Variants in ARPC2 observed in about 807,000 individuals in gnomAD.
ARPC2 encodes actin related protein 2/3 complex subunit 2.
Under a neutral mutation model 38.6 loss-of-function variants are expected in ARPC2, and 4 were observed. That is an observed-to-expected ratio of 0.10 (90% confidence interval 0.05 to 0.24). The LOEUF (loss-of-function observed/expected upper bound fraction) is 0.24, where lower values mean the gene tolerates loss of function less well. ARPC2 is among the 10% of genes least tolerant of loss of function. The pLI, the probability that ARPC2 is intolerant of heterozygous loss-of-function variation, is 1.00. For missense variants in ARPC2, 229 were observed against 387.3 expected, an observed-to-expected ratio of 0.59 and a Z score of 3.43; for synonymous variants, 125 against 140.8, an observed-to-expected ratio of 0.89 and a Z score of 0.79.
chr2:218,234,798 C>G (rs1156691097), intron 5 of ARPC2: 1 of 461,366 alleles, frequency 2.2e-6, no homozygotes, highest in African/African-American at 2.0e-5. Context: ...ATATTCACCA[C>G]ACTATTCTTG....
intron 7 of ARPC2, 86 bp from the exon 8 acceptor site, chr2:218,245,334 C>T: frequency 2.6e-6 from 4 of 1,562,872 alleles, no homozygotes; most frequent in Non-Finnish European, 3.5e-6. Context: ...ACAAAGGTCA[C>T]ACCACATAGA....
intron 2 of ARPC2, among the ~76,000 whole-genome samples, 179 bp from the exon 3 acceptor site, chr2:218,225,738 CTTA>C (rs1486454641): frequency 6.6e-6 from 1 of 152,180 alleles, no homozygotes; most frequent in Non-Finnish European, 1.5e-5. Context: ...TTATCCTCTA[CTTA>C]AAGCAAGTCC....
intron 7 of ARPC2, 100 bp downstream of exon 7, chr2:218,239,584 G>C: frequency 1.1e-6 from 1 of 930,736 alleles, no homozygotes; most frequent in South Asian, 1.6e-5. Context: ...CAACTCTACT[G>C]ATGTTAGAAT....
Position 218,217,494 on chromosome 2 carries a change from C to T in ARPC2, c.24C>T (p.Asn8=), listed in dbSNP as rs1226120389. ...CCATGATCCTGCTGGAGGTGAACAA[C>T]CGCATCATCGAGGAGACGCTCGCGC... MILLEVN[N]RIIEETLALK... Residue 8 remains asparagine, a synonymous_variant, in exon 2 of 11, where the codon AAC becomes AAT. Coordinates refer to ENST00000315717, the MANE Select transcript of ARPC2 (RefSeq NM_152862.3). 1.9e-6 allele frequency: 3 copies of T among 1,613,818 alleles called. No individual in the cohort carries two copies. Among genetic ancestry groups the T allele is most frequent in the East Asian group, 4.5e-5 (2 of 44,858 alleles).
intron 4 of ARPC2, among the ~76,000 whole-genome samples, chr2:218,232,165 C>T (rs1488624950): frequency 6.6e-6 from 1 of 152,038 alleles, no homozygotes; most frequent in Non-Finnish European, 1.5e-5. Flanking sequence ...TGCTTGAACC[C>T]AGGAGGTGGA....
chr2:218,235,781 T>A (rs1689754819), intron 5 of ARPC2: 1 of 152,200 alleles, frequency 6.6e-6, no homozygotes, highest in South Asian at 2.1e-4. Context: ...GTGTGAAATG[T>A]AAAAGTGTGT....
chr2:218,251,599 A>G (rs1690193535), intron 10 of ARPC2, among the ~76,000 whole-genome samples: 1 of 151,930 alleles, frequency 6.6e-6, no homozygotes, highest in African/African-American at 2.4e-5. Context: ...GACCACAGGC[A>G]TGCACCATCA....
chr2:218,248,391 A>G (rs1314971331), intron 8 of ARPC2, among the ~76,000 whole-genome samples: 1 of 152,208 alleles, frequency 6.6e-6, no homozygotes, highest in Non-Finnish European at 1.5e-5. Flanking sequence ...GCAGCAGGTA[A>G]AAACGATTCC....
rs1457395225 is a variant in ARPC2, at chr2:218,217,495, C to G, written c.25C>G (p.Arg9Gly). Residue 9 changes from arginine (R) to glycine (G), a missense_variant, in exon 2 of 11, where the codon CGC becomes GGC. Arg to Gly is a moderately radical substitution (Grantham distance 125, BLOSUM62 -2). This residue lies in a region of ARPC2 where 135 missense variants were observed against 214.1 expected (regional missense o/e 0.63). Transcript: ENST00000315717. ...CATGATCCTGCTGGAGGTGAACAAC[C>G]GCATCATCGAGGAGACGCTCGCGCT... MILLEVNN[R>G]IIEETLALKF... 3 of 1,613,784 alleles carry G rather than the reference C, an allele frequency of 1.9e-6. No homozygotes were observed. Among genetic ancestry groups the G allele is most frequent in the Non-Finnish European group, 2.5e-6 (3 of 1,179,898 alleles).
intron 7 of ARPC2, among the ~76,000 whole-genome samples, chr2:218,242,929 G>T (rs993209481): frequency 6.6e-6 from 1 of 152,116 alleles, no homozygotes; most frequent in Admixed American, 6.5e-5. Flanking sequence ...GTTTTGTGGG[G>T]TTTTTTCCAC....
intron 3 of ARPC2, among the ~76,000 whole-genome samples, chr2:218,226,626 CAAAAAAA>C (rs34789459): frequency 6.3e-4 from 39 of 61,470 alleles, no homozygotes; most frequent in African/African-American, 2.5e-3. Flanking sequence ...GACTCCATCT[CAAAAAAA>C]AAAAAAAAAA....
chr2:218,245,902 G>A (rs6738394), intron 8 of ARPC2, among the ~76,000 whole-genome samples: 60,496 of 151,874 alleles, frequency 0.4, 12,660 homozygotes, highest in Middle Eastern at 0.53. Context: ...TTGCTGGTTC[G>A]ATTCCAGCTT....
intron 2 of ARPC2, among the ~76,000 whole-genome samples, chr2:218,220,796 A>G (rs1230834016): frequency 6.6e-6 from 1 of 152,186 alleles, no homozygotes; most frequent in African/African-American, 2.4e-5. Flanking sequence ...CATTCCAAAC[A>G]GATTGCTTTT....
intron 7 of ARPC2, among the ~76,000 whole-genome samples, chr2:218,241,217 A>G (rs561885407): frequency 2.2e-4 from 34 of 152,354 alleles, no homozygotes; most frequent in Admixed American, 2.1e-3. Context: ...AACAGTAAAG[A>G]TACTTTGCAT....
intron 4 of ARPC2, among the ~76,000 whole-genome samples, chr2:218,230,442 C>G (rs1315892412): frequency 6.6e-6 from 1 of 151,682 alleles, no homozygotes; most frequent in East Asian, 1.9e-4. Context: ...CAGGCACGTG[C>G]CACCACACCT....
At chr2:218,239,304 T>C (rs556616126) in intron 6 of ARPC2, 87 bp from the exon 7 acceptor site, 1 of 913,138 alleles carries the variant, frequency 1.1e-6, no homozygotes, top group South Asian at 1.4e-5. Context: ...TTTATGACTT[T>C]AGCCTTCTGA....
rs763139971 is a variant in ARPC2, at chr2:218,253,925, TAAG to T, written c.*12_*14del. Reference sequence around the variant, plus strand: ...GTTTTCATCCCGCTAATCTTGGGAATAAGAGGAGGAAGCGGCTGGCAACTGAAG... The same window carrying T: ...GTTTTCATCCCGCTAATCTTGGGAATAGGAGGAAGCGGCTGGCAACTGAAG... On this transcript the variant is annotated 3_prime_UTR_variant, in exon 11 of 11. Coordinates refer to ENST00000315717, the MANE Select transcript of ARPC2 (RefSeq NM_152862.3). 1 of 1,614,014 alleles carries T rather than the reference TAAG, an allele frequency of 6.2e-7. No individual in the cohort carries two copies. The highest frequency in any genetic ancestry group is 1.1e-5 in the South Asian group (1 of 91,058).
At chr2:218,248,317 C>G (rs560784384) in intron 8 of ARPC2, among the ~76,000 whole-genome samples, 1 of 152,364 alleles carries the variant, frequency 6.6e-6, no homozygotes, top group East Asian at 1.9e-4. Flanking sequence ...GGAGGCATTC[C>G]TTTTCATTTC....
chr2:218,243,179 G>A (rs184958208), intron 7 of ARPC2, among the ~76,000 whole-genome samples: 2 of 152,242 alleles, frequency 1.3e-5, no homozygotes, highest in African/African-American at 4.8e-5. Flanking sequence ...GCTATCCAGT[G>A]GTCCCAGTGG....
Sources: allele counts gnomAD v4.1 joint callset (sites outside exome capture counted in the v4.1 genomes callset), GRCh38; gene constraint gnomAD v4.1.1; regional missense constraint gnomAD v4.1.1; transcripts MANE v1.5; gene names NCBI Gene and HGNC (gene_info 2026-07-23, HGNC 2026-07-21).